The following BCL6 variants were observed in gnomAD, a reference collection of about 807,000 sequenced individuals.
The protein encoded by BCL6 is B-cell lymphoma 6 protein.
Under a neutral mutation model 59.5 loss-of-function variants are expected in BCL6, and 7 were observed. The ratio of observed to expected loss-of-function variants is 0.12; its 90% CI spans 0.07 to 0.22. BCL6 has a LOEUF of 0.22. Ranked by LOEUF, BCL6 falls within the 10% of genes least tolerant of loss-of-function variation. BCL6 has a pLI of 1.00. For synonymous variants in BCL6, 339 were observed against 349.7 expected (o/e 0.97, Z 0.34); for missense variants, 685 against 939.4 (o/e 0.73, Z 3.54).
At chr3:187,738,135 T>C (rs1458616901) in intron 1 of BCL6, among the ~76,000 whole-genome samples, 1 of 152,204 alleles carries the variant, frequency 6.6e-6, no homozygotes, top group Non-Finnish European at 1.5e-5. Flanking sequence ...GACAAGTTAG[T>C]AGCAGAGCTG....
intron 1 of BCL6, among the ~76,000 whole-genome samples, chr3:187,745,178 A>C: frequency 6.6e-6 from 1 of 152,298 alleles, no homozygotes; most frequent in East Asian, 1.9e-4. Flanking sequence ...ACGTGGGACT[A>C]ATCTTCGGCA....
intron 9 of BCL6, among the ~76,000 whole-genome samples, chr3:187,723,039 G>A (rs1718502905): frequency 6.6e-6 from 1 of 152,184 alleles, no homozygotes; most frequent in Admixed American, 6.5e-5. Context: ...AACACTTTGA[G>A]GGCAGTGGCT....
intron 1 of BCL6, among the ~76,000 whole-genome samples, chr3:187,735,530 G>A (rs796887845): frequency 7.9e-5 from 12 of 152,300 alleles, no homozygotes; most frequent in African/African-American, 2.2e-4. Flanking sequence ...TCATGTCTAC[G>A]TATTCCTTGA....
At chr3:187,724,465 T>C in intron 9 of BCL6, 1 of 155,330 alleles carries the variant, frequency 6.4e-6, no homozygotes, top group East Asian at 1.9e-4. Context: ...TTATGTTTTT[T>C]TTTAATTTTT....
At chr3:187,735,262 T>C (rs948579844) in intron 1 of BCL6, among the ~76,000 whole-genome samples, 3 of 152,238 alleles carry the variant, frequency 2.0e-5, no homozygotes, top group Non-Finnish European at 2.9e-5. Context: ...AATGGTTCTG[T>C]CAACATTAAC....
At chr3:187,739,117 C>A (rs936917360) in intron 1 of BCL6, among the ~76,000 whole-genome samples, 1 of 152,210 alleles carries the variant, frequency 6.6e-6, no homozygotes, top group Admixed American at 6.5e-5. Flanking sequence ...CCCTTCCCCC[C>A]TCCTCTCCAG....
intron 1 of BCL6, among the ~76,000 whole-genome samples, chr3:187,738,806 A>C (rs3733018): frequency 0.52 from 78,394 of 152,048 alleles, 22,863 homozygotes; most frequent in Middle Eastern, 0.71. Context: ...CTTTGGCCTC[A>C]AAATCCTACA....
rs1161609574 is a variant in BCL6 at position 187,722,657 on chromosome 3, T to C, written c.1978-56A>G. 6 of 1,579,898 alleles carry C rather than the reference T, an allele frequency of 3.8e-6. No homozygotes were observed. The East Asian group carries it at 1.4e-4, about 36-fold the overall frequency. The stretch of plus-strand genomic sequence containing the variant: ...TGTCATCAACCCAAGAAAGATGTCA[T>C]TGCTCAAAGACCCAGAGAGGAAGAT... On this transcript the variant is annotated intron_variant, in intron 9 of 9. Coordinates refer to ENST00000406870, the MANE Select transcript of BCL6 (RefSeq NM_001706.5).
At chr3:187,744,429 A>T (rs1008384602) in intron 1 of BCL6, among the ~76,000 whole-genome samples, 2 of 152,068 alleles carry the variant, frequency 1.3e-5, no homozygotes, top group East Asian at 2.0e-4. Flanking sequence ...AAGAAAGAAT[A>T]ATTTTCAAAG....
intron 6 of BCL6, among the ~76,000 whole-genome samples, chr3:187,727,603 G>A (rs1718782736): frequency 6.6e-6 from 1 of 152,222 alleles, no homozygotes. Context: ...GCAGAGCAAA[G>A]GCAAACTAGC....
intron 5 of BCL6, 147 bp from the exon 6 acceptor site, chr3:187,728,691 C>A: frequency 2.4e-6 from 2 of 820,990 alleles, no homozygotes; most frequent in Non-Finnish European, 3.6e-6. Context: ...AGTTTATCTC[C>A]AAACAGTATC....
intron 6 of BCL6, among the ~76,000 whole-genome samples, chr3:187,727,329 A>T (rs530340075): frequency 6.6e-5 from 10 of 152,348 alleles, no homozygotes; most frequent in Middle Eastern, 6.8e-3. Flanking sequence ...CTGTCTTCAA[A>T]GTCAGATAAT....
At chr3:187,744,728 A>G (rs1258287916) in intron 1 of BCL6, among the ~76,000 whole-genome samples, 1 of 152,128 alleles carries the variant, frequency 6.6e-6, no homozygotes, top group South Asian at 2.1e-4. Flanking sequence ...TGCCTCCCGG[A>G]GTTACCCAGA....
chr3:187,744,242 T>C (rs961268534), intron 1 of BCL6, among the ~76,000 whole-genome samples: 2 of 152,170 alleles, frequency 1.3e-5, no homozygotes, highest in East Asian at 1.9e-4. Context: ...ACCTTTCTCG[T>C]TCTCCCAGGC....
chr3:187,732,408 T>C (rs527954066), intron 3 of BCL6: 1 of 424,576 alleles, frequency 2.4e-6, no homozygotes, highest in East Asian at 7.4e-5. Context: ...AAAATATGCC[T>C]ACATCTATAC....
intron 1 of BCL6, among the ~76,000 whole-genome samples, chr3:187,744,790 A>G (rs1711821432): frequency 1.3e-5 from 2 of 149,418 alleles, no homozygotes; most frequent in Admixed American, 6.8e-5. Context: ...GAGGGAGGGA[A>G]GCGGAGGCCA....
chr3:187,728,638 C>T (rs1579810093), intron 5 of BCL6, 94 bp from the exon 6 acceptor site: 2 of 1,276,148 alleles, frequency 1.6e-6, no homozygotes, highest in East Asian at 5.0e-5. Context: ...GAGGCCAGAG[C>T]TGGGCTGCCC....
chr3:187,742,462 A>C (rs1358292308), intron 1 of BCL6, among the ~76,000 whole-genome samples: 2 of 152,242 alleles, frequency 1.3e-5, no homozygotes, highest in African/African-American at 4.8e-5. Context: ...AAAACTGAAA[A>C]GAAGAAAGGG....
At position 187,731,874 on chromosome 3, in the gene BCL6, T is replaced by C. The variant is rs760006045; in HGVS notation, c.218A>G (p.Asn73Ser). Residue 73 changes from asparagine to serine, a missense_variant, in exon 4 of 10, where the codon AAT (asparagine) becomes AGT (serine). Around this residue, in one of 7 missense-constraint regions of BCL6, gnomAD observed 102 missense variants for 176.6 expected, o/e 0.58. Transcript: ENST00000406870. Reference sequence around the variant, plus strand: ...CTCAGGGTTGATCTCAGGATCTAGATTGATCACACTAAGGTTGCATTTCAA... The same window carrying C: ...CTCAGGGTTGATCTCAGGATCTAGACTGATCACACTAAGGTTGCATTTCAA... Reference protein sequence around the residue: ...DQLKCNLSVINLDPEINPEGF... With the variant: ...DQLKCNLSVISLDPEINPEGF... The C allele has an allele frequency of 4.3e-5, 69 of 1,614,062 alleles. 1 individual carries two copies. Among genetic ancestry groups the C allele is most frequent in the Admixed American group, 3.2e-4 (19 of 59,996 alleles).
Sources: gnomAD v4.1 joint callset for allele counts (sites outside exome capture counted in the v4.1 genomes callset) on GRCh38, gnomAD v4.1.1 for gene constraint, gnomAD v4.1.1 regional missense constraint, MANE v1.5 for transcripts, NCBI Gene and HGNC (gene_info 2026-07-23, HGNC 2026-07-21) for gene names.